Variants in SIK2 observed in about 807,000 individuals in gnomAD.
SIK2 encodes serine/threonine-protein kinase SIK2.
Under a neutral mutation model 103.2 loss-of-function variants are expected in SIK2, and 29 were observed. That is an observed-to-expected ratio of 0.28 (90% CI 0.21 to 0.38). The LOEUF is 0.38. Among genes scored for constraint, SIK2 ranks in the 10% least tolerant of loss-of-function variants. SIK2 has a pLI of 1.00. For missense variants in SIK2, 879 were observed against 1,171.0 expected, an observed-to-expected ratio of 0.75 and a Z score of 3.64; for synonymous variants, 412 against 446.1, an observed-to-expected ratio of 0.92 and a Z score of 0.96.
At chr11:111,685,687 TAA>T (rs1342561688) in intron 3 of SIK2, among the ~76,000 whole-genome samples, 3 of 151,928 alleles carry the variant, frequency 2.0e-5, no homozygotes, top group Non-Finnish European at 4.4e-5. Flanking sequence ...CTACAAAAAA[TAA>T]AATATTAATA....
chr11:111,649,599 G>C (rs922946461), intron 3 of SIK2, among the ~76,000 whole-genome samples: 9 of 152,074 alleles, frequency 5.9e-5, no homozygotes, highest in Non-Finnish European at 1.0e-4. Flanking sequence ...AATGCTTGCT[G>C]TGGTAACCTA....
intron 8 of SIK2, among the ~76,000 whole-genome samples, chr11:111,707,718 A>C (rs1943389063): frequency 1.3e-5 from 2 of 152,168 alleles, no homozygotes; most frequent in African/African-American, 4.8e-5. Flanking sequence ...TTGATGTTCT[A>C]ATTTTTTTAA....
At chr11:111,611,702 T>G (rs940691740) in intron 1 of SIK2, among the ~76,000 whole-genome samples, 8 of 152,268 alleles carry the variant, frequency 5.3e-5, no homozygotes, top group African/African-American at 1.9e-4. Flanking sequence ...GAAAGTTTTT[T>G]TAAGATAATG....
chr11:111,618,902 T>A (rs1459762342), intron 2 of SIK2, among the ~76,000 whole-genome samples: 11 of 152,088 alleles, frequency 7.2e-5, no homozygotes. Context: ...CCTGGCTCAT[T>A]TTTTAATATT....
intron 3 of SIK2, among the ~76,000 whole-genome samples, chr11:111,669,631 C>T (rs187305886): frequency 6.7e-6 from 1 of 149,354 alleles, no homozygotes; most frequent in East Asian, 2.0e-4. Context: ...AGTTTTCCCA[C>T]ACCAAAAAAA....
At position 111,705,788 on chromosome 11, in the gene SIK2, C is replaced by T. The variant is rs909745524; in HGVS notation, c.1101+649C>T. On this transcript the variant is annotated intron_variant, in intron 8 of 14. Transcript: ENST00000304987. This position sits in a 1 kb window ranked among gnomAD's most constrained non-coding sequence, Gnocchi z 4.3. ...AAGCTGAAAAATGATAAAATTCTAT[C>T]GATGCTTTAAGCTAATTAATCTGGT... is the stretch of plus-strand genomic sequence containing the variant. Among the ~76,000 whole-genome samples, 5 of 152,124 alleles carry T rather than the reference C, an allele frequency of 3.3e-5. No homozygotes were observed. The highest frequency in any genetic ancestry group is 9.7e-5 in the African/African-American group (4 of 41,402).
intron 3 of SIK2, chr11:111,672,432 C>G (rs1375628055): frequency 2.5e-5 from 8 of 320,648 alleles, no homozygotes; most frequent in East Asian, 2.4e-4. Context: ...CCAAACCAGA[C>G]AGAGATTTGA....
intron 3 of SIK2, among the ~76,000 whole-genome samples, chr11:111,637,456 CTTTTTTTTTTTTT>C (rs558690499): frequency 8.0e-6 from 1 of 124,710 alleles, no homozygotes; most frequent in African/African-American, 3.1e-5. Context: ...TTTGTAATAT[CTTTTTTTTTTTTT>C]TTTTTTTTGA....
chr11:111,646,100 G>A (rs1207656155), intron 3 of SIK2, among the ~76,000 whole-genome samples: 1 of 152,042 alleles, frequency 6.6e-6, no homozygotes, highest in Non-Finnish European at 1.5e-5. Context: ...GAGTGTATGT[G>A]TATATTTTAC....
chr11:111,644,426 A>G lies in SIK2; in HGVS notation c.316+24024A>G, dbSNP rs535923013. Among the ~76,000 whole-genome samples, 11 of 152,274 alleles carry G rather than the reference A, an allele frequency of 7.2e-5. No individual in the cohort carries two copies. The East Asian group carries it at 2.1e-3, about 29-fold the overall frequency. ...GGTTTTTTTCAAATGTAAAATTTGA[A>G]AAAATTGTGGCCGTAAAATACAGCC... On this transcript the variant is annotated intron_variant, in intron 3 of 14. Coordinates refer to ENST00000304987, the MANE Select transcript of SIK2 (RefSeq NM_015191.3).
rs368188191 is a variant in SIK2, at chr11:111,674,629, A to G, written c.317-13372A>G. Reference sequence around the variant, plus strand: ...TAGTTAAGGAACATAAAATACCACAATCGTAAATTGTGTAGTGAAAATGTT... The same window carrying G: ...TAGTTAAGGAACATAAAATACCACAGTCGTAAATTGTGTAGTGAAAATGTT... On this transcript the variant is annotated intron_variant, in intron 3 of 14. Coordinates refer to ENST00000304987, the MANE Select transcript of SIK2 (RefSeq NM_015191.3). Among the ~76,000 whole-genome samples, 16 of 152,362 alleles carry G rather than the reference A, an allele frequency of 1.1e-4. No individual in the cohort carries two copies. The South Asian group carries it at 3.1e-3, about 30-fold the overall frequency.
At chr11:111,675,072 A>C (rs1254087155) in intron 3 of SIK2, among the ~76,000 whole-genome samples, 1 of 152,194 alleles carries the variant, frequency 6.6e-6, no homozygotes, top group Admixed American at 6.5e-5. Flanking sequence ...ATGTTACATA[A>C]CAAACAGCCT....
chr11:111,674,332 C>T (rs1474560745), intron 3 of SIK2, among the ~76,000 whole-genome samples: 8 of 152,150 alleles, frequency 5.3e-5, no homozygotes. Context: ...AGAACCATGC[C>T]TACACAGTTG....
intron 3 of SIK2, among the ~76,000 whole-genome samples, chr11:111,666,675 A>G (rs1450413050): frequency 6.6e-6 from 1 of 152,192 alleles, no homozygotes; most frequent in Non-Finnish European, 1.5e-5. Flanking sequence ...TTTTCACATC[A>G]GATTACTAAA....
chr11:111,625,244 G>A (rs1307777655), intron 3 of SIK2, among the ~76,000 whole-genome samples: 1 of 152,192 alleles, frequency 6.6e-6, no homozygotes, highest in Non-Finnish European at 1.5e-5. Context: ...CACTCTGGCT[G>A]CTGTGTTGAG....
chr11:111,718,019 C>T (rs1439390940), intron 9 of SIK2, among the ~76,000 whole-genome samples: 16 of 151,984 alleles, frequency 1.1e-4, no homozygotes, highest in Admixed American at 5.2e-4. Flanking sequence ...CCATGACACA[C>T]GTTTACCTAT....
Position 111,715,488 on chromosome 11 carries a change from C to T in SIK2, c.1266+3113C>T, listed in dbSNP as rs145782739. On this transcript the variant is annotated intron_variant, in intron 9 of 14. Coordinates refer to ENST00000304987, the MANE Select transcript of SIK2 (RefSeq NM_015191.3). ...GGTATTGTGCATCTCAAAGAGACTT[C>T]AGCTCTCCTTCCCTCCCAGAAATCT... 1.4e-3 allele frequency among the ~76,000 whole-genome samples: 211 copies of T among 152,358 alleles called. 1 individual carries two copies. The highest frequency in any genetic ancestry group is 4.6e-3 in the African/African-American group (193 of 41,582).
intron 3 of SIK2, among the ~76,000 whole-genome samples, chr11:111,686,366 G>A (rs1942846739): frequency 6.6e-6 from 1 of 152,122 alleles, no homozygotes; most frequent in African/African-American, 2.4e-5. Context: ...GCTTGAACCT[G>A]GGGAGCAGAG....
In SIK2 at chr11:111,723,508, G is replaced by C; in HGVS notation, c.2160G>C (p.Lys720Asn). The C allele has an allele frequency of 6.2e-7, 1 of 1,601,286 alleles. No homozygotes were observed. The highest frequency in any genetic ancestry group is 8.5e-7 in the Non-Finnish European group (1 of 1,171,768). ...ATTACCAATTTAGGCTCCAGCAGAAGCGACTCTTTCTTCAGAAGCAGTCTC... is the reference window on the plus strand; with the variant it reads ...ATTACCAATTTAGGCTCCAGCAGAACCGACTCTTTCTTCAGAAGCAGTCTC... ...QQLQEHRLQQ[K>N]RLFLQKQSQL... The change falls in exon 15 of 15, where the codon AAG becomes AAC. Residue 720 changes from lysine (K) to asparagine (N), a missense_variant. Around this residue, in one of 7 missense-constraint regions of SIK2, gnomAD observed 375 missense variants for 416.3 expected, o/e 0.90. Transcript: ENST00000304987.
Sources: gnomAD v4.1 joint callset for allele counts (sites outside exome capture counted in the v4.1 genomes callset) on GRCh38, gnomAD v4.1.1 for gene constraint, gnomAD v4.1.1 regional missense constraint, Gnocchi (gnomAD v3.1) non-coding constraint, MANE v1.5 for transcripts, NCBI Gene and HGNC (gene_info 2026-07-23, HGNC 2026-07-21) for gene names.